AGK: variants seen among roughly 807,000 people sequenced by gnomAD.
The protein encoded by AGK is acylglycerol kinase, mitochondrial.
A neutral mutation model predicts 66.4 loss-of-function variants in AGK; 52 were observed. The observed-to-expected ratio is 0.78, with a 90% CI of 0.63 to 0.99. The LOEUF (loss-of-function observed/expected upper bound fraction) is 0.99. AGK is among the 50% of genes least tolerant of loss of function. AGK has a pLI of 0.00. For missense variants in AGK, 451 were observed against 506.6 expected (o/e 0.89, Z 1.05); for synonymous variants, 182 against 181.1 (o/e 1.00, Z -0.04).
At chr7:141,624,539 A>G (rs1796895108) in intron 9 of AGK, among the ~76,000 whole-genome samples, 1 of 152,218 alleles carries the variant, frequency 6.6e-6, no homozygotes, top group African/African-American at 2.4e-5. Context: ...ACCCTCATGG[A>G]TGACTTTAAG....
At chr7:141,594,745 C>T (rs1386412035) in intron 3 of AGK, among the ~76,000 whole-genome samples, 1 of 151,924 alleles carries the variant, frequency 6.6e-6, no homozygotes, top group Non-Finnish European at 1.5e-5. Flanking sequence ...CTCCGCCTCC[C>T]AGGTTCAAGT....
chr7:141,578,075 G>GT (rs1795792129), intron 2 of AGK, among the ~76,000 whole-genome samples: 1 of 152,076 alleles, frequency 6.6e-6, no homozygotes, highest in African/African-American at 2.4e-5. Context: ...CTTGGCCTCA[G>GT]TATCACGCGC....
chr7:141,585,419 G>A (rs1163686269), intron 2 of AGK, among the ~76,000 whole-genome samples: 1 of 152,184 alleles, frequency 6.6e-6, no homozygotes, highest in Non-Finnish European at 1.5e-5. Flanking sequence ...GCAACCATGG[G>A]CACAGCCACT....
chr7:141,628,751 T>A (rs1420373317), intron 9 of AGK, among the ~76,000 whole-genome samples: 1 of 152,144 alleles, frequency 6.6e-6, no homozygotes, highest in Non-Finnish European at 1.5e-5. Context: ...AACTAGAATT[T>A]AGATTTTCTT....
chr7:141,632,838 C>G (rs1279684830), intron 9 of AGK, among the ~76,000 whole-genome samples: 5 of 152,230 alleles, frequency 3.3e-5, no homozygotes. Context: ...GGCCAGCATC[C>G]TTTCCTTGCA....
intron 9 of AGK, among the ~76,000 whole-genome samples, chr7:141,631,449 A>C (rs935247107): frequency 6.6e-6 from 1 of 152,218 alleles, no homozygotes; most frequent in Admixed American, 6.5e-5. Context: ...AAGAAATAAT[A>C]CAGTCTTTAA....
chr7:141,646,592 C>T (rs565168785), intron 13 of AGK, among the ~76,000 whole-genome samples: 2 of 152,254 alleles, frequency 1.3e-5, no homozygotes, highest in East Asian at 3.9e-4. Context: ...AAAGGACAGC[C>T]CACAGGCCCG....
chr7:141,621,016 G>A (rs1294795063), intron 8 of AGK, among the ~76,000 whole-genome samples: 1 of 152,142 alleles, frequency 6.6e-6, no homozygotes, highest in African/African-American at 2.4e-5. Context: ...CCACCTAAGG[G>A]AAGAGAAAAA....
Position 141,652,820 on chromosome 7 carries a change from G to A in AGK, c.1165G>A (p.Glu389Lys). The A allele has an allele frequency of 6.2e-7, 1 of 1,613,866 alleles. No homozygotes were observed. The highest frequency in any genetic ancestry group is 8.5e-7 in the Non-Finnish European group (1 of 1,180,024). ...AGGSFSIDSE[E>K]YEAMPVEVKL... Reference sequence around the variant, plus strand: ...GGGCTCTTTTAGCATTGACAGTGAGGAGTATGAAGCGATGCCTGTGGAGGT... The same window carrying A: ...GGGCTCTTTTAGCATTGACAGTGAGAAGTATGAAGCGATGCCTGTGGAGGT... Residue 389 changes from glutamate (E) to lysine (K), a missense_variant, in exon 16 of 16, where the codon GAG becomes AAG. Coordinates refer to ENST00000649286, the MANE Select transcript of AGK (RefSeq NM_018238.4).
intron 2 of AGK, among the ~76,000 whole-genome samples, chr7:141,560,272 GT>G (rs531901093): frequency 3.2e-4 from 45 of 141,608 alleles, no homozygotes; most frequent in Middle Eastern, 3.6e-3. Flanking sequence ...CCCTCCCTCC[GT>G]TTTTTTTTTT....
At chr7:141,634,090 T>C in intron 10 of AGK, 110 bp downstream of exon 10, 1 of 933,320 alleles carries the variant, frequency 1.1e-6, no homozygotes, top group Non-Finnish European at 1.7e-6. Context: ...TTGGTGGGCC[T>C]GGAGGTTGAA....
intron 9 of AGK, among the ~76,000 whole-genome samples, chr7:141,629,788 C>G (rs180896130): frequency 6.6e-6 from 1 of 152,040 alleles, no homozygotes; most frequent in African/African-American, 2.4e-5. Flanking sequence ...CTCTTCCCCC[C>G]GAGATGAAGA....
intron 13 of AGK, among the ~76,000 whole-genome samples, chr7:141,643,864 G>A (rs1797344395): frequency 6.6e-6 from 1 of 152,108 alleles, no homozygotes; most frequent in African/African-American, 2.4e-5. Flanking sequence ...TAGATTAAAA[G>A]CTTAGTGGTG....
intron 2 of AGK, among the ~76,000 whole-genome samples, chr7:141,576,737 T>A (rs1464856710): frequency 1.3e-5 from 2 of 151,720 alleles, no homozygotes; most frequent in Non-Finnish European, 2.9e-5. Flanking sequence ...GTTCACTATA[T>A]CTAACAAAAA....
intron 7 of AGK, among the ~76,000 whole-genome samples, chr7:141,615,108 G>T (rs1029903612): frequency 5.9e-5 from 9 of 152,188 alleles, no homozygotes; most frequent in African/African-American, 2.2e-4. Context: ...GACATTTTTA[G>T]TTGAATTTTA....
At position 141,605,789 on chromosome 7, in the gene AGK, T is replaced by A. The variant is rs913810143; in HGVS notation, c.297+4509T>A. 2.0e-5 allele frequency among the ~76,000 whole-genome samples: 3 copies of A among 152,294 alleles called. No individual in the cohort carries two copies. In the East Asian group the frequency reaches 5.8e-4, roughly 29 times the overall value. ...TACAATTAGTAGTGACAAAACTCAT[T>A]TAAACCTAGGTCTGTCGACTCTAAG... On this transcript the variant is annotated intron_variant, in intron 5 of 15. Transcript: ENST00000649286.
At chr7:141,631,674 A>G (rs189644096) in intron 9 of AGK, among the ~76,000 whole-genome samples, 64 of 152,150 alleles carry the variant, frequency 4.2e-4, no homozygotes, top group Non-Finnish European at 2.8e-4. Flanking sequence ...AATTCTTATC[A>G]TTCCCTCTCC....
At chr7:141,600,680 C>G (rs967116452) in intron 4 of AGK, among the ~76,000 whole-genome samples, 1 of 152,170 alleles carries the variant, frequency 6.6e-6, no homozygotes, top group Admixed American at 6.5e-5. Flanking sequence ...TTGGAAGTCT[C>G]TAATCACCAT....
intron 5 of AGK, 39 bp downstream of exon 5, chr7:141,601,319 C>T: frequency 6.6e-7 from 1 of 1,525,090 alleles, no homozygotes; most frequent in Non-Finnish European, 9.0e-7. Context: ...ACCCAAGCAG[C>T]TGCCTCTTAT....
Sources: gnomAD v4.1 joint callset for allele counts (sites outside exome capture counted in the v4.1 genomes callset) on GRCh38, gnomAD v4.1.1 for gene constraint, MANE v1.5 for transcripts, NCBI Gene and HGNC (gene_info 2026-07-23, HGNC 2026-07-21) for gene names.